The following TGM2 variants were observed in gnomAD, a reference collection of about 807,000 sequenced individuals.
TGM2 encodes the protein transglutaminase 2.
A neutral mutation model predicts 75.6 loss-of-function variants in TGM2; 53 were observed. That is an observed-to-expected ratio of 0.70 (90% CI 0.56 to 0.88). The LOEUF is 0.88. Ranked by LOEUF, TGM2 falls within the 40% of genes least tolerant of loss-of-function variation. The probability of loss-of-function intolerance (pLI) is 0.00; values close to 1 mark genes in which losing one functional copy is unlikely to be tolerated. For missense variants in TGM2, 842 were observed against 928.5 expected, an observed-to-expected ratio of 0.91 and a Z score of 1.21; for synonymous variants, 374 against 381.1, an observed-to-expected ratio of 0.98 and a Z score of 0.22.
chr20:38,154,688 T>C (rs991272348), intron 3 of TGM2, among the ~76,000 whole-genome samples: 4 of 152,098 alleles, frequency 2.6e-5, no homozygotes, highest in African/African-American at 9.7e-5. Context: ...CCGACTGAGA[T>C]AGTGTATAAG....
At chr20:38,130,621 CGT>C (rs918906763) in intron 12 of TGM2, among the ~76,000 whole-genome samples, 1 of 152,122 alleles carries the variant, frequency 6.6e-6, no homozygotes, top group Non-Finnish European at 1.5e-5. Context: ...CTCAGGTAGC[CGT>C]GTGTGTGAAA....
Position 38,149,853 on chromosome 20 carries a change from C to T in TGM2, c.552+1086G>A, listed in dbSNP as rs561604311. On this transcript the variant is annotated intron_variant, in intron 4 of 12. Coordinates refer to ENST00000361475, the MANE Select transcript of TGM2 (RefSeq NM_004613.4). ...TTCATTTATATCCCACAGCAGGCTACGGGGTTGCTGAGCAGTTAGTTTTGC... is the reference window on the plus strand; with the variant it reads ...TTCATTTATATCCCACAGCAGGCTATGGGGTTGCTGAGCAGTTAGTTTTGC... Among the ~76,000 whole-genome samples, 7 of 152,184 alleles carry T rather than the reference C, an allele frequency of 4.6e-5. No homozygotes were observed. In the South Asian group the frequency reaches 8.3e-4, roughly 18 times the overall value.
chr20:38,157,911 G>T (rs766021373), intron 2 of TGM2, among the ~76,000 whole-genome samples: 7 of 152,218 alleles, frequency 4.6e-5, no homozygotes, highest in Admixed American at 3.3e-4. Context: ...ATAGCAGATC[G>T]TGAGGACTGG....
In TGM2 at chr20:38,128,639, G is replaced by A. The variant is rs2074790954; in HGVS notation, c.*1580C>T. 1 of 152,218 alleles carries A rather than the reference G, an allele frequency of 6.6e-6. No individual in the cohort carries two copies. The highest frequency in any genetic ancestry group is 2.4e-5 in the African/African-American group (1 of 41,458). 9.4% of individuals were successfully genotyped at this position (152,218 alleles called of 1,614,324 possible). ...GACTCTTTCCTGTGCAAAGCAGAAA[G>A]TTCTAAATGCAACAGCATGATTCTC... On this transcript the variant is annotated 3_prime_UTR_variant, in exon 13 of 13. Coordinates refer to ENST00000361475, the MANE Select transcript of TGM2 (RefSeq NM_004613.4).
intron 2 of TGM2, among the ~76,000 whole-genome samples, chr20:38,157,667 G>A (rs759926640): frequency 1.4e-4 from 21 of 152,218 alleles, no homozygotes; most frequent in Non-Finnish European, 1.9e-4. Context: ...GCTTAAAGAG[G>A]ACAGGCATAC....
rs749673229 is a variant in TGM2 at position 38,146,708 on chromosome 20, G to A, written c.859+9C>T. The A allele has an allele frequency of 6.2e-7, 1 of 1,613,034 alleles. No individual in the cohort carries two copies. The highest frequency in any genetic ancestry group is 8.5e-7 in the Non-Finnish European group (1 of 1,179,648). ...GGGCTCATGACCCACATCCCAGCGT[G>A]CAGCTCACCTGTGCAGGCCACGGCG... On this transcript the variant is annotated intron_variant, in intron 6 of 12. Coordinates refer to ENST00000361475, the MANE Select transcript of TGM2 (RefSeq NM_004613.4).
At chr20:38,138,035 C>A in intron 10 of TGM2, 78 bp downstream of exon 10, 1 of 1,503,774 alleles carries the variant, frequency 6.6e-7, no homozygotes, top group Non-Finnish European at 8.9e-7. Flanking sequence ...TGAAATCACA[C>A]ATGCTAAGTG....
At chr20:38,151,156 G>C (rs1317224490) in intron 3 of TGM2, 99 bp from the exon 4 acceptor site, 14 of 826,844 alleles carry the variant, frequency 1.7e-5, no homozygotes, top group Non-Finnish European at 3.0e-5. Context: ...GGCCAAGCCA[G>C]CGTCTCAGGG....
At chr20:38,136,286 T>G (rs1277194568) in intron 10 of TGM2, among the ~76,000 whole-genome samples, 3 of 152,208 alleles carry the variant, frequency 2.0e-5, no homozygotes, top group Non-Finnish European at 2.9e-5. Context: ...GGGTGAAAGC[T>G]GTGCCCCAGA....
Position 38,161,677 on chromosome 20 carries a change from A to G in TGM2, c.11-78T>C, listed in dbSNP as rs148564939. On this transcript the variant is annotated intron_variant, in intron 1 of 12. Transcript: ENST00000361475. ...AGTGATGCACCTGCCCTCCCTAGAC[A>G]TGGGGGCCTTGTGCCCTCTTACTCC... 1.7e-5 allele frequency: 26 copies of G among 1,539,190 alleles called. No individual in the cohort carries two copies. The African/African-American group carries it at 2.6e-4, about 15-fold the overall frequency.
intron 1 of TGM2, among the ~76,000 whole-genome samples, chr20:38,164,192 C>T (rs1002185461): frequency 1.3e-5 from 2 of 152,176 alleles, no homozygotes; most frequent in African/African-American, 2.4e-5. Flanking sequence ...GAGCTGGGCC[C>T]GAGGGAGGCA....
At chr20:38,136,243 C>T (rs544941894) in intron 10 of TGM2, among the ~76,000 whole-genome samples, 2 of 152,326 alleles carry the variant, frequency 1.3e-5, no homozygotes, top group African/African-American at 2.4e-5. Context: ...ACTGCAGACG[C>T]CCCGCCCGCA....
intron 1 of TGM2, among the ~76,000 whole-genome samples, chr20:38,164,286 C>T (rs567456695): frequency 9.8e-5 from 15 of 152,338 alleles, no homozygotes; most frequent in African/African-American, 3.6e-4. Flanking sequence ...TGTCCCTGTC[C>T]CACACCCCTT....
At chr20:38,150,905 G>C in intron 4 of TGM2, 34 bp downstream of exon 4, 1 of 1,522,278 alleles carries the variant, frequency 6.6e-7, no homozygotes, top group Non-Finnish European at 9.1e-7. Flanking sequence ...AGAAGGGCCT[G>C]AGATGGTTGG....
chr20:38,161,623 T>G, intron 1 of TGM2, 24 bp from the exon 2 acceptor site: 1 of 1,614,076 alleles, frequency 6.2e-7, no homozygotes, highest in African/African-American at 1.3e-5. Context: ...AGGAGACGCA[T>G]GAGCCTCGGG....
chr20:38,137,832 G>C (rs2074918518), intron 10 of TGM2: 1 of 568,284 alleles, frequency 1.8e-6, no homozygotes, highest in South Asian at 2.4e-5. Flanking sequence ...TGTGAGGACA[G>C]GTTAACTCCC....
chr20:38,152,994 C>T (rs1456945007), intron 3 of TGM2, among the ~76,000 whole-genome samples: 1 of 142,538 alleles, frequency 7.0e-6, no homozygotes, highest in Non-Finnish European at 1.5e-5. Context: ...CAACTAGTTG[C>T]TACCCTCTGC....
intron 8 of TGM2, 71 bp downstream of exon 8, chr20:38,141,211 A>T: frequency 7.5e-7 from 1 of 1,325,912 alleles, no homozygotes; most frequent in Non-Finnish European, 1.1e-6. Context: ...GCCGCCCTCC[A>T]GCTGAGTCAC....
Position 38,138,189 on chromosome 20 carries a change from G to T in TGM2, c.1539C>A (p.Thr513=). The T allele has an allele frequency of 6.2e-7, 1 of 1,608,524 alleles. No homozygotes were observed. ...GCCCCAAGATCCCATTGTAGCTGAC[G>T]GTGCGGGCACAGAGCAGGAGGCGGC... ...YVCRLLLCAR[T]VSYNGILGPE... Residue 513 remains threonine, a synonymous_variant, in exon 10 of 13, where the codon ACC becomes ACA. Coordinates refer to ENST00000361475, the MANE Select transcript of TGM2 (RefSeq NM_004613.4).
Sources: gnomAD v4.1 joint callset for allele counts (sites outside exome capture counted in the v4.1 genomes callset) on GRCh38, gnomAD v4.1.1 for gene constraint, MANE v1.5 for transcripts, NCBI Gene and HGNC (gene_info 2026-07-23, HGNC 2026-07-21) for gene names.